Variants in CELF2 observed in about 807,000 individuals in gnomAD.
CELF2 encodes the protein CUG triplet repeat RNA-binding protein 2.
A neutral mutation model predicts 62.6 loss-of-function variants in CELF2; 8 were observed. The ratio of observed to expected loss-of-function variants is 0.13; its 90% CI spans 0.07 to 0.23. The LOEUF (loss-of-function observed/expected upper bound fraction) is 0.23. CELF2 is among the 10% of genes least tolerant of loss of function. The pLI, the probability that CELF2 is intolerant of heterozygous loss-of-function variation, is 1.00. For missense variants in CELF2, 333 were observed against 671.0 expected (o/e 0.50, Z 5.56); for synonymous variants, 258 against 250.0 (o/e 1.03, Z -0.30).
intron 1 of CELF2, among the ~76,000 whole-genome samples, chr10:11,100,291 A>G (rs958709758): frequency 9.9e-5 from 15 of 152,136 alleles, no homozygotes; most frequent in African/African-American, 2.4e-4. Flanking sequence ...ATGATGTGGA[A>G]TGTCAGCTAA....
the CELF2 span, among the ~76,000 whole-genome samples, chr10:10,701,041 C>T: frequency 2.0e-5 from 3 of 152,158 alleles, no homozygotes; most frequent in South Asian, 2.1e-4. Flanking sequence ...ATAATAAGTA[C>T]GAACAATAAA....
rs751461743 is a variant in CELF2 at position 11,178,151 on chromosome 10, C to T, written c.271+12469C>T. Among the ~76,000 whole-genome samples the T allele has an allele frequency of 6.6e-5, 10 of 152,330 alleles. No homozygotes were observed. The highest frequency in any genetic ancestry group is 2.2e-4 in the African/African-American group (9 of 41,568). ...GCGTTATGGAGTAGGCAACCTGGTT[C>T]GGCGCAAAGAGGAAATGCGCGTTCT... On this transcript the variant is annotated intron_variant, in intron 2 of 12. Transcript: ENST00000633077. The surrounding 1 kb of genome is among the most constrained non-coding windows in gnomAD (Gnocchi z 4.3).
At chr10:10,475,727 C>T in the CELF2 span, among the ~76,000 whole-genome samples, 4 of 152,068 alleles carry the variant, frequency 2.6e-5, no homozygotes, top group Non-Finnish European at 5.9e-5. Context: ...TACTTGTTAA[C>T]ACTTTGCTCA....
At chr10:11,038,179 C>A (rs890379010) in intron 1 of CELF2, among the ~76,000 whole-genome samples, 1 of 152,188 alleles carries the variant, frequency 6.6e-6, no homozygotes, top group Non-Finnish European at 1.5e-5. Context: ...GAGGACCCAG[C>A]CACACCAGCA....
the CELF2 span, among the ~76,000 whole-genome samples, chr10:10,507,155 C>A: frequency 1.3e-5 from 2 of 152,100 alleles, no homozygotes; most frequent in Non-Finnish European, 2.9e-5. Flanking sequence ...TTGACATGAG[C>A]CCTTCCTTTT....
intron 1 of CELF2, among the ~76,000 whole-genome samples, chr10:10,893,398 A>G (rs955751808): frequency 6.6e-6 from 1 of 152,144 alleles, no homozygotes; most frequent in Admixed American, 6.5e-5. Context: ...TCATGAGATC[A>G]ACAGCTTAAA....
rs148139846 is a variant in CELF2, at chr10:11,280,833, T to C, written c.841+5713T>C. On this transcript the variant is annotated intron_variant, in intron 8 of 12. Transcript: ENST00000633077. This position sits in a 1 kb window ranked among gnomAD's most constrained non-coding sequence, Gnocchi z 7.6. ...GATGCCCAAGAGGCAGGGGAGGTCCTAGGGCTCTGAAGGGCTGCTCTCTAG... is the reference window on the plus strand; with the variant it reads ...GATGCCCAAGAGGCAGGGGAGGTCCCAGGGCTCTGAAGGGCTGCTCTCTAG... Among the ~76,000 whole-genome samples the C allele has an allele frequency of 1.5e-3, 234 of 152,204 alleles. 1 individual carries two copies. The highest frequency in any genetic ancestry group is 5.3e-3 in the African/African-American group (222 of 41,542).
chr10:10,471,525 T>C, the CELF2 span, among the ~76,000 whole-genome samples: 1 of 151,700 alleles, frequency 6.6e-6, no homozygotes, highest in African/African-American at 2.4e-5. Context: ...TAGATTACAA[T>C]ATTCATTTTA....
At chr10:10,916,146 A>T (rs1466592847) in intron 1 of CELF2, among the ~76,000 whole-genome samples, 1 of 152,246 alleles carries the variant, frequency 6.6e-6, no homozygotes, top group Non-Finnish European at 1.5e-5. Flanking sequence ...TCATGAAAAC[A>T]TGTCACTAAT....
At chr10:10,513,718 GACTTTTA>G in the CELF2 span, among the ~76,000 whole-genome samples, 3 of 152,112 alleles carry the variant, frequency 2.0e-5, no homozygotes, top group Non-Finnish European at 4.4e-5. Context: ...TTTTTTAAAA[GACTTTTA>G]ACTTTTAAAG....
the CELF2 span, among the ~76,000 whole-genome samples, chr10:10,489,150 C>T: frequency 6.6e-5 from 10 of 151,944 alleles, no homozygotes; most frequent in African/African-American, 2.4e-4. Flanking sequence ...CCAACTTCTT[C>T]ACCAAAAAAA....
upstream of CELF2, among the ~76,000 whole-genome samples, chr10:11,015,396 T>C (rs2057110012): frequency 6.6e-6 from 1 of 152,204 alleles, no homozygotes; most frequent in Non-Finnish European, 1.5e-5. This position sits in a 1 kb window ranked among gnomAD's most constrained non-coding sequence, Gnocchi z 4.8. Context: ...AATGGAAGAT[T>C]GTTGTCAATA....
chr10:11,084,738 G>A lies in CELF2; in HGVS notation c.74+66575G>A, dbSNP rs536652185. 6.0e-5 allele frequency among the ~76,000 whole-genome samples: 9 copies of A among 150,030 alleles called. No homozygotes were observed. In the Middle Eastern group the frequency reaches 0.014, roughly 227 times the overall value. On this transcript the variant is annotated intron_variant, in intron 1 of 12. Transcript: ENST00000633077. ...CCTGATAATTAGTAAAAGTCCCTAG[G>A]AAAGAGAATAAAAGAAAAAAAAACC...
At chr10:10,705,986 G>T in the CELF2 span, among the ~76,000 whole-genome samples, 5 of 152,024 alleles carry the variant, frequency 3.3e-5, no homozygotes, top group South Asian at 6.2e-4. Flanking sequence ...TCACTCACTG[G>T]TGCCACACTC....
At chr10:11,320,364 A>G (rs2095362525) in intron 10 of CELF2, among the ~76,000 whole-genome samples, 1 of 152,222 alleles carries the variant, frequency 6.6e-6, no homozygotes, top group Non-Finnish European at 1.5e-5. Flanking sequence ...GGCTGACTGA[A>G]AAACATGACC....
intron 1 of CELF2, among the ~76,000 whole-genome samples, chr10:11,035,504 T>A (rs2060804705): frequency 6.6e-6 from 1 of 152,124 alleles, no homozygotes; most frequent in Non-Finnish European, 1.5e-5. Flanking sequence ...AGCCAGGAAA[T>A]GATCTGATGA....
the CELF2 span, among the ~76,000 whole-genome samples, chr10:10,759,570 A>T: frequency 6.6e-6 from 1 of 151,906 alleles, no homozygotes. Flanking sequence ...CGGCCTCGCA[A>T]AGTGCTGGGA....
In CELF2 at chr10:10,820,132, T is replaced by C. The variant is rs532358800; in HGVS notation, c.53+21315T>C. ...CCTCATTTTTCTCTTGCCACCACCA[T>C]GTAAGAAGTGCCTTTCGCCTCCCGC... On this transcript the variant is annotated intron_variant, in intron 1 of 13. Coordinates refer to the CELF2 transcript ENST00000636488. 1.6e-4 allele frequency among the ~76,000 whole-genome samples: 24 copies of C among 152,294 alleles called. 1 individual carries two copies. The South Asian group carries it at 4.8e-3, about 30-fold the overall frequency.
At chr10:10,773,360 C>G in the CELF2 span, among the ~76,000 whole-genome samples, 4 of 152,284 alleles carry the variant, frequency 2.6e-5, no homozygotes, top group East Asian at 1.9e-4. Context: ...TTTTCAAACC[C>G]GAACACTTCA....
Sources: gnomAD v4.1 joint callset for allele counts (sites outside exome capture counted in the v4.1 genomes callset) on GRCh38, gnomAD v4.1.1 for gene constraint, Gnocchi (gnomAD v3.1) non-coding constraint, MANE v1.5 for transcripts, NCBI Gene and HGNC (gene_info 2026-07-23, HGNC 2026-07-21) for gene names.